The following KCNIP4 variants were observed in gnomAD, a reference collection of about 807,000 sequenced individuals.
KCNIP4 encodes the protein potassium voltage-gated channel interacting protein 4, also known as Kv channel-interacting protein 4.
Under a neutral mutation model 34.0 loss-of-function variants are expected in KCNIP4, and 12 were observed. The ratio of observed to expected loss-of-function variants is 0.35; its 90% CI spans 0.23 to 0.57. The LOEUF is 0.57. Ranked by LOEUF, KCNIP4 falls within the 20% of genes least tolerant of loss-of-function variation. KCNIP4 has a pLI of 0.83. For synonymous variants in KCNIP4, 124 were observed against 102.2 expected, an observed-to-expected ratio of 1.21 and a Z score of -1.29; for missense variants, 238 against 311.7, an observed-to-expected ratio of 0.76 and a Z score of 1.78.
intron 1 of KCNIP4, among the ~76,000 whole-genome samples, chr4:21,837,305 G>A (rs1396829461): frequency 6.6e-6 from 1 of 150,452 alleles, no homozygotes; most frequent in Non-Finnish European, 1.5e-5. Context: ...GGGCCAAGGT[G>A]GGTGGATCAC....
intron 1 of KCNIP4, among the ~76,000 whole-genome samples, chr4:21,895,174 T>C (rs1727316101): frequency 1.3e-5 from 2 of 152,186 alleles, no homozygotes; most frequent in South Asian, 4.1e-4. Flanking sequence ...TATTTGTTTG[T>C]TTTGTTTTAT....
chr4:21,599,956 G>C (rs1294614797), intron 1 of KCNIP4, among the ~76,000 whole-genome samples: 1 of 152,170 alleles, frequency 6.6e-6, no homozygotes, highest in Non-Finnish European at 1.5e-5. Flanking sequence ...CTAGATCTGG[G>C]TAGGATTCAG....
In KCNIP4 at chr4:20,989,811, T is replaced by C. The variant is rs184253119; in HGVS notation, c.62-107102A>G. ...TGGAGAAACCCTATCTCTACAAAAATTGCAAAAGTTAGCTCGGCATGGTGA... is the reference window on the plus strand; with the variant it reads ...TGGAGAAACCCTATCTCTACAAAAACTGCAAAAGTTAGCTCGGCATGGTGA... On this transcript the variant is annotated intron_variant, in intron 1 of 8. Coordinates refer to ENST00000382152, the MANE Select transcript of KCNIP4 (RefSeq NM_025221.6). 6.2e-4 allele frequency among the ~76,000 whole-genome samples: 95 copies of C among 152,060 alleles called. 1 individual carries two copies. Among genetic ancestry groups the C allele is most frequent in the Admixed American group, 2.9e-3 (45 of 15,266 alleles).
At chr4:21,497,702 C>T (rs967024805) in intron 1 of KCNIP4, among the ~76,000 whole-genome samples, 1 of 152,144 alleles carries the variant, frequency 6.6e-6, no homozygotes, top group African/African-American at 2.4e-5. Context: ...AAACGGATGC[C>T]ATATCCTTCT....
chr4:21,383,361 T>G (rs899910375), intron 1 of KCNIP4, among the ~76,000 whole-genome samples: 3 of 151,508 alleles, frequency 2.0e-5, no homozygotes, highest in African/African-American at 7.3e-5. Flanking sequence ...GAGATAAAGG[T>G]GCAAAAAGAG....
intron 1 of KCNIP4, among the ~76,000 whole-genome samples, chr4:21,523,575 CTCTT>C (rs1242675798): frequency 1.3e-5 from 2 of 151,502 alleles, no homozygotes; most frequent in African/African-American, 4.9e-5. Context: ...TTCCTTCTTT[CTCTT>C]TCTTTTCTTT....
At chr4:21,266,590 A>T (rs556853298) in intron 1 of KCNIP4, among the ~76,000 whole-genome samples, 28 of 152,350 alleles carry the variant, frequency 1.8e-4, no homozygotes, top group African/African-American at 6.7e-4. Context: ...GCTAAGAAGT[A>T]AAAAATGAGG....
chr4:21,320,964 T>TTAAAAAAAAA (rs1553860312), intron 1 of KCNIP4, among the ~76,000 whole-genome samples: 2 of 102,900 alleles, frequency 1.9e-5, no homozygotes, highest in Non-Finnish European at 3.7e-5. Context: ...GAATCTGTCT[T>TTAAAAAAAAA]AAAAAAAAAA....
At chr4:20,972,826 C>G (rs1376626519) in intron 1 of KCNIP4, among the ~76,000 whole-genome samples, 1 of 151,942 alleles carries the variant, frequency 6.6e-6, no homozygotes, top group East Asian at 1.9e-4. Flanking sequence ...TTGAGGGGTT[C>G]AATAATTCAG....
At chr4:21,805,784 C>A (rs887800121) in intron 1 of KCNIP4, among the ~76,000 whole-genome samples, 2 of 152,144 alleles carry the variant, frequency 1.3e-5, no homozygotes, top group East Asian at 1.9e-4. Context: ...GAGCCCTGGC[C>A]AGTAAGCAAG....
chr4:21,944,800 C>T (rs772467078), intron 1 of KCNIP4, among the ~76,000 whole-genome samples: 2 of 152,176 alleles, frequency 1.3e-5, no homozygotes, highest in African/African-American at 4.8e-5. Context: ...GAGTTCAGGA[C>T]GACACGAATT....
chr4:21,394,716 T>C (rs1221438359), intron 1 of KCNIP4, among the ~76,000 whole-genome samples: 1 of 152,160 alleles, frequency 6.6e-6, no homozygotes, highest in Non-Finnish European at 1.5e-5. Flanking sequence ...GTTCTCCAGA[T>C]GCCTGCTCCC....
At chr4:21,357,800 C>T (rs893473354) in intron 1 of KCNIP4, among the ~76,000 whole-genome samples, 4 of 152,034 alleles carry the variant, frequency 2.6e-5, no homozygotes, top group African/African-American at 7.2e-5. Context: ...ACCATTTGAC[C>T]CAGCCATCCT....
intron 1 of KCNIP4, among the ~76,000 whole-genome samples, chr4:21,704,849 C>T (rs1457849615): frequency 6.6e-6 from 1 of 152,024 alleles, no homozygotes; most frequent in African/African-American, 2.4e-5. Context: ...CAAAACCTAG[C>T]AATTGTACTC....
intron 1 of KCNIP4, among the ~76,000 whole-genome samples, chr4:21,917,281 T>C (rs1434053738): frequency 1.3e-5 from 2 of 151,958 alleles, no homozygotes; most frequent in African/African-American, 4.8e-5. Flanking sequence ...ATTACAGGCA[T>C]ACACCGCCAC....
At chr4:21,421,655 T>G (rs1036972198) in intron 1 of KCNIP4, among the ~76,000 whole-genome samples, 2 of 152,136 alleles carry the variant, frequency 1.3e-5, no homozygotes, top group African/African-American at 4.8e-5. Flanking sequence ...GGATAACATT[T>G]CAGTTAAGAT....
intron 1 of KCNIP4, chr4:21,303,859 C>A (rs746088921): frequency 1.7e-5 from 28 of 1,613,902 alleles, no homozygotes; most frequent in Non-Finnish European, 2.4e-5. Context: ...TAACAAAAAG[C>A]ACAATGACGA....
chr4:21,840,819 G>A (rs1723630328), intron 1 of KCNIP4, among the ~76,000 whole-genome samples: 1 of 152,102 alleles, frequency 6.6e-6, no homozygotes, highest in South Asian at 2.1e-4. Context: ...CTGCATAAAG[G>A]CTCTGGTTTA....
At chr4:21,048,469 C>A (rs532354464) in intron 1 of KCNIP4, among the ~76,000 whole-genome samples, 1 of 152,180 alleles carries the variant, frequency 6.6e-6, no homozygotes, top group African/African-American at 2.4e-5. Context: ...ACATTTGTTA[C>A]GCACTATCTC....
Sources: gnomAD v4.1 joint callset for allele counts (sites outside exome capture counted in the v4.1 genomes callset) on GRCh38, gnomAD v4.1.1 for gene constraint, MANE v1.5 for transcripts, NCBI Gene and HGNC (gene_info 2026-07-23, HGNC 2026-07-21) for gene names.